ANKRD17: variants seen among roughly 807,000 people sequenced by gnomAD.
ANKRD17 encodes the protein ankyrin repeat domain 17.
ANKRD17 carries 19 observed loss-of-function variants against 229.7 expected under a neutral mutation model. The ratio of observed to expected loss-of-function variants is 0.08; its 90% confidence interval spans 0.06 to 0.12. ANKRD17 has a LOEUF of 0.12. ANKRD17 is among the 10% of genes least tolerant of loss of function. The pLI is 1.00. For synonymous variants in ANKRD17, 1,112 were observed against 1,146.1 expected (o/e 0.97, Z 0.60); for missense variants, 2,176 against 3,176.8 (o/e 0.68, Z 7.57).
At chr4:73,226,221 T>A (rs922682808) in intron 1 of ANKRD17, among the ~76,000 whole-genome samples, 1 of 151,796 alleles carries the variant, frequency 6.6e-6, no homozygotes, top group African/African-American at 2.4e-5. Context: ...GTGATCTGCC[T>A]GCCTCAGCCA....
chr4:73,090,842 A>C lies in ANKRD17; in HGVS notation c.6786T>G (p.Pro2262=). 6.2e-7 allele frequency: 1 copy of C among 1,614,240 alleles called. No individual in the cohort carries two copies. Among genetic ancestry groups the C allele is most frequent in the South Asian group, 1.1e-5 (1 of 91,086 alleles). The change falls in exon 29 of 34, where the codon CCT becomes CCG. Residue 2262 remains proline, a synonymous_variant. Transcript: ENST00000358602. ...GPFSTLFENS[P]TSAHAFWGGS... The stretch of plus-strand genomic sequence containing the variant: ...CTCCCCAGAAGGCATGAGCAGAAGT[A>C]GGGCTGTTTTCAAACAATGTGCTAA...
At chr4:73,252,292 G>T (rs1745096747) in intron 1 of ANKRD17, among the ~76,000 whole-genome samples, 1 of 152,184 alleles carries the variant, frequency 6.6e-6, no homozygotes, top group Non-Finnish European at 1.5e-5. Context: ...AAAACATGAA[G>T]ATATAAGAGA....
At chr4:73,215,116 T>C (rs534825123) in intron 1 of ANKRD17, among the ~76,000 whole-genome samples, 39 of 152,276 alleles carry the variant, frequency 2.6e-4, no homozygotes, top group African/African-American at 8.9e-4. Context: ...GAGCCTGTCA[T>C]TTCAAGAAAA....
intron 29 of ANKRD17, among the ~76,000 whole-genome samples, chr4:73,090,183 G>C (rs1274840982): frequency 6.6e-6 from 1 of 152,186 alleles, no homozygotes; most frequent in Non-Finnish European, 1.5e-5. Flanking sequence ...GCCAAGGTGG[G>C]TGAATCACCT....
chr4:73,147,447 C>A lies in ANKRD17; in HGVS notation c.1568-15G>T. The A allele has an allele frequency of 2.0e-6, 3 of 1,498,776 alleles. No homozygotes were observed. The highest frequency in any genetic ancestry group is 1.4e-5 in the South Asian group (1 of 71,432). 92.8% of individuals were successfully genotyped at this position (1,498,776 alleles called of 1,614,324 possible). A position where few individuals can be genotyped will look rare whatever the true frequency, so the allele number is the denominator to read the frequency against. ...GATATTTGCTCCTAAAATAAAGATTCTAATTATTTAAAGAAAGTCATTAAC... is the reference window on the plus strand; with the variant it reads ...GATATTTGCTCCTAAAATAAAGATTATAATTATTTAAAGAAAGTCATTAAC... On this transcript the variant is annotated splice_polypyrimidine_tract_variant and intron_variant, in intron 8 of 33. Coordinates refer to ENST00000358602, the MANE Select transcript of ANKRD17 (RefSeq NM_032217.5).
Position 73,098,258 on chromosome 4 carries a change from C to T in ANKRD17, c.4836G>A (p.Gly1612=), listed in dbSNP as rs754950676. Residue 1612 remains glycine (G), a synonymous_variant, in exon 26 of 34, where the codon GGG becomes GGA. Transcript: ENST00000358602. The part of the protein sequence containing the change: ...ESKSSSTSES[G]DSDNMRISSC... ...TGGAAATCCTCATGTTATCACTGTCCCCACTCTCGCTGGTACTGCTGCTCT... is the reference window on the plus strand; with the variant it reads ...TGGAAATCCTCATGTTATCACTGTCTCCACTCTCGCTGGTACTGCTGCTCT... 1.2e-6 allele frequency: 2 copies of T among 1,614,172 alleles called. No homozygotes were observed. Among genetic ancestry groups the T allele is most frequent in the South Asian group, 1.1e-5 (1 of 91,084 alleles).
intron 25 of ANKRD17, among the ~76,000 whole-genome samples, chr4:73,100,551 G>A (rs912277739): frequency 2.6e-5 from 4 of 151,442 alleles, no homozygotes; most frequent in East Asian, 1.9e-4. Context: ...TGTATATTAC[G>A]TATTATTATG....
chr4:73,077,345 A>C lies in ANKRD17; in HGVS notation c.7587+10T>G. ...TCCCTTAAATAACTAGTACAAAATC[A>C]GGACTTTACCCCAACTTTAGGAAAG... On this transcript the variant is annotated intron_variant, in intron 32 of 33. Transcript: ENST00000358602. 1 of 1,596,972 alleles carries C rather than the reference A, an allele frequency of 6.3e-7. No homozygotes were observed. Among genetic ancestry groups the C allele is most frequent in the Non-Finnish European group, 8.5e-7 (1 of 1,172,490 alleles).
chr4:73,174,968 G>A (rs1013507151), intron 2 of ANKRD17, among the ~76,000 whole-genome samples: 2 of 152,186 alleles, frequency 1.3e-5, no homozygotes, highest in African/African-American at 4.8e-5. Context: ...TGGGTTGGAA[G>A]AATCAATACT....
intron 4 of ANKRD17, 70 bp downstream of exon 4, chr4:73,155,949 T>C (rs1369614409): frequency 2.0e-6 from 3 of 1,496,066 alleles, no homozygotes; most frequent in African/African-American, 1.4e-5. Flanking sequence ...GGATTTATTT[T>C]ATTATTTCCT....
In ANKRD17 at chr4:73,190,239, T is replaced by C. The variant is rs540710799; in HGVS notation, c.394-12706A>G. ...CAAAAATCAGACAGGTGTGGTGGCA[T>C]GTGCCTGTAATCCCAGCTACTTGGG... On this transcript the variant is annotated intron_variant, in intron 1 of 33. Transcript: ENST00000358602. Among the ~76,000 whole-genome samples the C allele has an allele frequency of 7.4e-4, 113 of 152,084 alleles. 1 individual carries two copies. The highest frequency in any genetic ancestry group is 5.6e-4 in the Non-Finnish European group (38 of 67,970).
intron 10 of ANKRD17, 55 bp downstream of exon 10, chr4:73,146,709 T>A: frequency 7.7e-7 from 1 of 1,294,426 alleles, no homozygotes; most frequent in Non-Finnish European, 1.1e-6. Flanking sequence ...TCTCCATAAT[T>A]TAAAATTAAT....
At chr4:73,208,503 C>A (rs1739813506) in intron 1 of ANKRD17, among the ~76,000 whole-genome samples, 2 of 152,128 alleles carry the variant, frequency 1.3e-5, no homozygotes, top group Non-Finnish European at 2.9e-5. Context: ...CTTATATGAA[C>A]CATGGATGGC....
At position 73,133,502 on chromosome 4, in the gene ANKRD17, T is replaced by A. The variant is rs1182782420; in HGVS notation, c.3234+1615A>T. On this transcript the variant is annotated intron_variant, in intron 16 of 33. Transcript: ENST00000358602. ...ATCTCCCGGATTAAAGTGATTCTCC[T>A]GCCTCAGCCTCCCGAGTAGCTGGGA... Among the ~76,000 whole-genome samples, 45 of 149,312 alleles carry A rather than the reference T, an allele frequency of 3.0e-4. 1 individual carries two copies. The highest frequency in any genetic ancestry group is 3.0e-3 in the Admixed American group (45 of 14,940).
At chr4:73,194,055 C>T (rs141425087) in intron 1 of ANKRD17, among the ~76,000 whole-genome samples, 1 of 152,216 alleles carries the variant, frequency 6.6e-6, no homozygotes, top group East Asian at 1.9e-4. Context: ...TTCTGCAAGC[C>T]AGTAGTTTGT....
intron 1 of ANKRD17, among the ~76,000 whole-genome samples, chr4:73,201,318 A>AC (rs773005064): frequency 3.3e-4 from 50 of 152,228 alleles, no homozygotes; most frequent in Non-Finnish European, 6.0e-4. Flanking sequence ...GTATCTATAA[A>AC]CTTTTTTTAC....
chr4:73,246,347 G>A (rs1452581409), intron 1 of ANKRD17, among the ~76,000 whole-genome samples: 1 of 152,164 alleles, frequency 6.6e-6, no homozygotes, highest in Non-Finnish European at 1.5e-5. Flanking sequence ...GGTGAAAAGA[G>A]GGAGAGATAG....
intron 27 of ANKRD17, among the ~76,000 whole-genome samples, chr4:73,095,803 C>T (rs1340871004): frequency 6.6e-6 from 1 of 151,962 alleles, no homozygotes; most frequent in Admixed American, 6.6e-5. Flanking sequence ...AATCCTCCCA[C>T]CTTTCCCAAG....
chr4:73,092,352 G>A, intron 28 of ANKRD17, 52 bp from the exon 29 acceptor site: 1 of 1,458,294 alleles, frequency 6.9e-7, no homozygotes, highest in Non-Finnish European at 9.3e-7. Context: ...TTTTGAGTAT[G>A]TAAAGTGTTT....
Sources: gnomAD v4.1 joint callset for allele counts (sites outside exome capture counted in the v4.1 genomes callset) on GRCh38, gnomAD v4.1.1 for gene constraint, MANE v1.5 for transcripts, NCBI Gene and HGNC (gene_info 2026-07-23, HGNC 2026-07-21) for gene names.